PIK3CD: variants seen among roughly 807,000 people sequenced by gnomAD.
PIK3CD encodes phosphatidylinositol-4,5-bisphosphate 3-kinase catalytic subunit delta.
In PIK3CD, 20 loss-of-function variants were observed where a neutral mutation model predicts 122.9. The ratio of observed to expected loss-of-function variants is 0.16; its 90% CI spans 0.11 to 0.24. The LOEUF is 0.24. Among genes scored for constraint, PIK3CD ranks in the 10% least tolerant of loss-of-function variants. PIK3CD has a pLI of 1.00. For missense variants in PIK3CD, 787 were observed against 1,406.3 expected (o/e 0.56, Z 7.04); for synonymous variants, 596 against 593.4 (o/e 1.00, Z -0.06).
intron 6 of PIK3CD, 41 bp from the exon 7 acceptor site, chr1:9,716,918 G>T (rs1244183170): frequency 6.2e-7 from 1 of 1,612,998 alleles, no homozygotes; most frequent in African/African-American, 1.3e-5. Flanking sequence ...GGGAGTGGTT[G>T]GGGCCGCCCC....
chr1:9,684,918 C>G (rs1281167626), intron 1 of PIK3CD, among the ~76,000 whole-genome samples: 2 of 148,694 alleles, frequency 1.3e-5, no homozygotes, highest in African/African-American at 4.9e-5. Flanking sequence ...TTTTTTCTCT[C>G]TCTGCTTATA....
intron 2 of PIK3CD, among the ~76,000 whole-genome samples, chr1:9,703,304 C>T (rs1025493433): frequency 6.6e-6 from 1 of 152,228 alleles, no homozygotes; most frequent in Non-Finnish European, 1.5e-5. Context: ...CAAGCCAATC[C>T]CCATGGCCTG....
chr1:9,627,689 G>A, the PIK3CD span, among the ~76,000 whole-genome samples: 2 of 152,212 alleles, frequency 1.3e-5, no homozygotes, highest in African/African-American at 2.4e-5. Flanking sequence ...TGAGGACCAG[G>A]GGCTGAGTCT....
At chr1:9,653,575 G>C (rs1469414622) in intron 1 of PIK3CD, 1 of 356,746 alleles carries the variant, frequency 2.8e-6, no homozygotes, top group African/African-American at 2.1e-5. Flanking sequence ...CACCCTCTAA[G>C]ATACCCTTGA....
At chr1:9,631,010 AG>A in the PIK3CD span, among the ~76,000 whole-genome samples, 1 of 152,152 alleles carries the variant, frequency 6.6e-6, no homozygotes, top group Non-Finnish European at 1.5e-5. Flanking sequence ...CCCCAGCCTA[AG>A]CTCAGAAACC....
chr1:9,662,366 GC>G, intron 1 of PIK3CD: 2 of 171,552 alleles, frequency 1.2e-5, no homozygotes, highest in Non-Finnish European at 2.6e-5. Flanking sequence ...TGGGATGAAT[GC>G]CAGCGTGGAC....
chr1:9,695,633 G>A (rs1393995104), intron 2 of PIK3CD, among the ~76,000 whole-genome samples: 3 of 152,152 alleles, frequency 2.0e-5, no homozygotes, highest in Non-Finnish European at 4.4e-5. Context: ...CACTAGGTCA[G>A]GAGTTCAAGA....
At chr1:9,677,591 G>A (rs148671867) in intron 1 of PIK3CD, among the ~76,000 whole-genome samples, 38 of 148,682 alleles carry the variant, frequency 2.6e-4, no homozygotes, top group African/African-American at 8.2e-4. Flanking sequence ...GCTGCACTGA[G>A]CCAAGATGGT....
At chr1:9,629,701 T>A in the PIK3CD span, among the ~76,000 whole-genome samples, 1 of 151,900 alleles carries the variant, frequency 6.6e-6, no homozygotes, top group Non-Finnish European at 1.5e-5. Flanking sequence ...GGTGCAGGTG[T>A]GAAGTTCGGT....
rs60167511 is a variant in PIK3CD at position 9,702,500 on chromosome 1, C to CTTTTTTTTTT, written c.-32-7896_-32-7887dup. Among the ~76,000 whole-genome samples the CTTTTTTTTTT allele has an allele frequency of 8.4e-3, 217 of 25,820 alleles. 90 individuals carry two copies. Among genetic ancestry groups the CTTTTTTTTTT allele is most frequent in the Non-Finnish European group, 0.015 (142 of 9,538 alleles). The allele number at this position is 25,820 out of a possible 152,430, so 16.9% of individuals were successfully genotyped here. ...GTCCACTTCCAAGGAAAGAACTTTC[C>CTTTTTTTTTT]TTTTTTTTTTTTTTTTTTTTTTTTT... On this transcript the variant is annotated intron_variant, in intron 2 of 23. Transcript: ENST00000377346.
intron 2 of PIK3CD, among the ~76,000 whole-genome samples, chr1:9,696,064 T>TA (rs1222493874): frequency 2.0e-5 from 3 of 151,222 alleles, no homozygotes; most frequent in African/African-American, 7.3e-5. Context: ...CTCGACCTCC[T>TA]AGGCTCAAGC....
rs565644147 is a variant in PIK3CD at position 9,720,924 on chromosome 1, G to C, written c.1689+15G>C. On this transcript the variant is annotated intron_variant, in intron 13 of 23. Transcript: ENST00000377346. The surrounding 1 kb of genome is among the most constrained non-coding windows in gnomAD (Gnocchi z 9.0). The stretch of plus-strand genomic sequence containing the variant: ...ATGTGGCCCAGGTGGGTGGGGAGGC[G>C]CACCTGGGGGCGGAGCTGGGGGCAG... 2 of 1,567,836 alleles carry C rather than the reference G, an allele frequency of 1.3e-6. No homozygotes were observed. Among genetic ancestry groups the C allele is most frequent in the Admixed American group, 1.9e-5 (1 of 52,826 alleles).
chr1:9,678,992 C>T (rs1458027637), intron 1 of PIK3CD, among the ~76,000 whole-genome samples: 1 of 151,306 alleles, frequency 6.6e-6, no homozygotes, highest in African/African-American at 2.4e-5. Context: ...AGGGCCTTGG[C>T]TTAGGCACAT....
Position 9,723,072 on chromosome 1 carries a change from C to G in PIK3CD, c.2427-53C>G. On this transcript the variant is annotated intron_variant, in intron 19 of 23. Transcript: ENST00000377346. The surrounding 1 kb of genome is among the most constrained non-coding windows in gnomAD (Gnocchi z 4.9). ...TGAGTTTCTGGGGCTCAAGTGGCCT[C>G]AGGGACAGCCCTTGACCATGCCATT... The G allele has an allele frequency of 6.3e-7, 1 of 1,586,012 alleles. No individual in the cohort carries two copies. The highest frequency in any genetic ancestry group is 8.7e-7 in the Non-Finnish European group (1 of 1,155,924).
the PIK3CD span, among the ~76,000 whole-genome samples, chr1:9,636,295 G>A: frequency 6.6e-6 from 1 of 152,164 alleles, no homozygotes; most frequent in Non-Finnish European, 1.5e-5. Context: ...CTGGGTTTAA[G>A]CAATTCTCAT....
At chr1:9,707,013 A>G (rs1264210804) in intron 2 of PIK3CD, among the ~76,000 whole-genome samples, 1 of 145,856 alleles carries the variant, frequency 6.9e-6, no homozygotes, top group African/African-American at 2.6e-5. Flanking sequence ...GGCTCTCACT[A>G]TGTTGCCCAG....
chr1:9,695,417 A>G (rs1646366169), intron 2 of PIK3CD, among the ~76,000 whole-genome samples: 1 of 152,198 alleles, frequency 6.6e-6, no homozygotes, highest in Non-Finnish European at 1.5e-5. Flanking sequence ...TAAAAGGCCC[A>G]CGCTATAGGA....
chr1:9,687,988 G>A (rs984499268), intron 1 of PIK3CD, among the ~76,000 whole-genome samples: 2 of 152,184 alleles, frequency 1.3e-5, no homozygotes, highest in African/African-American at 4.8e-5. Flanking sequence ...GGCCGCCGAG[G>A]GCGGAGGGAA....
the PIK3CD span, among the ~76,000 whole-genome samples, chr1:9,646,028 T>C: frequency 6.6e-6 from 1 of 152,120 alleles, no homozygotes; most frequent in Non-Finnish European, 1.5e-5. Flanking sequence ...CACCTCAGCC[T>C]CCCAAAGTGC....
Sources: gnomAD v4.1 joint callset for allele counts (sites outside exome capture counted in the v4.1 genomes callset) on GRCh38, gnomAD v4.1.1 for gene constraint, Gnocchi (gnomAD v3.1) non-coding constraint, MANE v1.5 for transcripts, NCBI Gene and HGNC (gene_info 2026-07-23, HGNC 2026-07-21) for gene names.